The following RAF1 variants were observed in gnomAD, a reference collection of about 807,000 sequenced individuals.
The protein encoded by RAF1 is RAF proto-oncogene serine/threonine-protein kinase.
RAF1 carries 27 observed loss-of-function variants against 81.1 expected under a neutral mutation model. That is an observed-to-expected ratio of 0.33 (90% CI 0.25 to 0.46). The LOEUF (loss-of-function observed/expected upper bound fraction) is 0.46. Among genes scored for constraint, RAF1 ranks in the 20% least tolerant of loss-of-function variants. The probability of loss-of-function intolerance (pLI) is 1.00; values close to 1 mark genes in which losing one functional copy is unlikely to be tolerated. For missense variants in RAF1, 598 were observed against 826.0 expected (o/e 0.72, Z 3.38); for synonymous variants, 298 against 294.0 (o/e 1.01, Z -0.14).
At chr3:12,613,132 T>C (rs1484675864) in intron 2 of RAF1, among the ~76,000 whole-genome samples, 13 of 152,138 alleles carry the variant, frequency 8.5e-5, no homozygotes, top group Non-Finnish European at 1.0e-4. Context: ...CTCAAAAAGC[T>C]AGGCAGGTAC....
intron 1 of RAF1, among the ~76,000 whole-genome samples, chr3:12,655,363 G>C (rs926853584): frequency 6.6e-6 from 1 of 152,180 alleles, no homozygotes; most frequent in Non-Finnish European, 1.5e-5. Context: ...TGGGATTACA[G>C]GCATGAGCCA....
chr3:12,615,436 T>G (rs2125443401), intron 2 of RAF1, among the ~76,000 whole-genome samples: 1 of 152,328 alleles, frequency 6.6e-6, no homozygotes, highest in South Asian at 2.1e-4. Context: ...GTTAAATAAT[T>G]TCTAGAACCC....
chr3:12,592,731 C>CTT (rs35189562), intron 11 of RAF1, among the ~76,000 whole-genome samples: 19,768 of 107,160 alleles, frequency 0.18, 2,045 homozygotes, highest in Non-Finnish European at 0.21. Flanking sequence ...TTAAAAGCCA[C>CTT]TTTTTTTTTT....
chr3:12,620,533 T>C (rs1337932809), intron 1 of RAF1, among the ~76,000 whole-genome samples: 1 of 152,074 alleles, frequency 6.6e-6, no homozygotes, highest in Non-Finnish European at 1.5e-5. Context: ...TGCAGTGACA[T>C]GATCACAGCT....
chr3:12,660,476 TTG>T (rs2125591777), intron 1 of RAF1, among the ~76,000 whole-genome samples: 1 of 152,048 alleles, frequency 6.6e-6, no homozygotes, highest in Admixed American at 6.6e-5. Context: ...TTTTTTCTTT[TTG>T]TGTGTGTGTA....
rs562158445 is a variant in RAF1 at position 12,604,357 on chromosome 3, A to G, written c.681-68T>C. The G allele has an allele frequency of 1.0e-5, 16 of 1,525,350 alleles. No homozygotes were observed. In the Admixed American group the frequency reaches 1.7e-4, roughly 16 times the overall value. 94.5% of individuals were successfully genotyped at this position (1,525,350 alleles called of 1,614,324 possible). On this transcript the variant is annotated intron_variant, in intron 6 of 17. Coordinates refer to ENST00000442415, the MANE Select transcript of RAF1 (RefSeq NM_001354689.3). Reference sequence around the variant, plus strand: ...CATACTGGTGAAGTCTTTCAAGTACATATTTGACTAAGTAAGATGCTTAAG... The same window carrying G: ...CATACTGGTGAAGTCTTTCAAGTACGTATTTGACTAAGTAAGATGCTTAAG...
chr3:12,587,266 A>G (rs550149833), intron 14 of RAF1: 3 of 369,296 alleles, frequency 8.1e-6, no homozygotes, highest in Non-Finnish European at 1.5e-5. Context: ...CAAAAGCCCA[A>G]TCCCCGTCAG....
intron 1 of RAF1, among the ~76,000 whole-genome samples, chr3:12,638,453 G>A (rs2060091309): frequency 6.6e-6 from 1 of 152,216 alleles, no homozygotes; most frequent in Non-Finnish European, 1.5e-5. Flanking sequence ...CTGGCAGTCA[G>A]TCATCTAACA....
intron 11 of RAF1, among the ~76,000 whole-genome samples, chr3:12,593,725 T>C (rs150628891): frequency 1.1e-4 from 16 of 151,822 alleles, no homozygotes; most frequent in South Asian, 2.1e-4. Flanking sequence ...TCTGGTACAG[T>C]TGGAGCCAAG....
At chr3:12,612,170 A>G (rs2059232365) in intron 2 of RAF1, 108 bp from the exon 3 acceptor site, 1 of 827,490 alleles carries the variant, frequency 1.2e-6, no homozygotes, top group African/African-American at 1.7e-5. Flanking sequence ...TGGCCCACGC[A>G]CACACACATA....
At chr3:12,629,619 C>T (rs762956359) in intron 1 of RAF1, among the ~76,000 whole-genome samples, 11 of 152,124 alleles carry the variant, frequency 7.2e-5, no homozygotes, top group Admixed American at 1.3e-4. Context: ...TCACAAATCT[C>T]ACCAGGGTTT....
Position 12,612,000 on chromosome 3 carries a change from G to T in RAF1, c.270C>A (p.Gly90=). 6.2e-7 allele frequency: 1 copy of T among 1,614,066 alleles called. No individual in the cohort carries two copies. Among genetic ancestry groups the T allele is most frequent in the Non-Finnish European group, 8.5e-7 (1 of 1,180,000 alleles). The change falls in exon 3 of 18, where the codon GGC becomes GGA. Residue 90 remains glycine, a synonymous_variant. Transcript: ENST00000442415. ...ACACTGCACAGCACTCTGGTTGCAG[G>T]CCCCTCACCTTGAGTGCTTTCATAA... is the stretch of plus-strand genomic sequence containing the variant.
intron 1 of RAF1, among the ~76,000 whole-genome samples, chr3:12,634,427 G>A (rs757310171): frequency 6.6e-6 from 1 of 151,798 alleles, no homozygotes; most frequent in Middle Eastern, 3.2e-3. Context: ...CTGGGATTAC[G>A]GGCTTGAGCC....
chr3:12,584,199 AGCTGG>A lies in RAF1; in HGVS notation c.*310_*314del. 1 of 447,924 alleles carries A rather than the reference AGCTGG, an allele frequency of 2.2e-6. No homozygotes were observed. Among genetic ancestry groups the A allele is most frequent in the Non-Finnish European group, 4.2e-6 (1 of 240,358 alleles). 27.7% of individuals were successfully genotyped at this position (447,924 alleles called of 1,614,324 possible). A position where few individuals can be genotyped will look rare whatever the true frequency, so the allele number is the denominator to read the frequency against. On this transcript the variant is annotated 3_prime_UTR_variant, in exon 18 of 18. Transcript: ENST00000442415. Reference sequence around the variant, plus strand: ...TCCTCTAAATACTCATGTAGCCAACAGCTGGGGCTGGGCCCCTGCTTTTTGTACTA... The same window carrying A: ...TCCTCTAAATACTCATGTAGCCAACAGGCTGGGCCCCTGCTTTTTGTACTA...
At chr3:12,586,202 C>T (rs1482152278) in intron 14 of RAF1, among the ~76,000 whole-genome samples, 3 of 152,166 alleles carry the variant, frequency 2.0e-5, no homozygotes, top group African/African-American at 4.8e-5. Flanking sequence ...AGCTTACAGT[C>T]GTTTCTGCCT....
chr3:12,591,902 T>A (rs1318579622), intron 11 of RAF1, 110 bp from the exon 11 acceptor site: 3 of 846,784 alleles, frequency 3.5e-6, no homozygotes, highest in Non-Finnish European at 5.9e-6. Flanking sequence ...ATCACATACC[T>A]ACACAGATAC....
intron 11 of RAF1, among the ~76,000 whole-genome samples, chr3:12,595,638 A>G (rs568707704): frequency 1.3e-5 from 2 of 152,146 alleles, no homozygotes; most frequent in South Asian, 2.1e-4. Context: ...AGGCCAGGTG[A>G]GTGGTCCACT....
chr3:12,649,028 T>C (rs6778959), intron 1 of RAF1, among the ~76,000 whole-genome samples: 37,282 of 151,718 alleles, frequency 0.25, 5,429 homozygotes, highest in African/African-American at 0.41. Context: ...GCAGGAGAAT[T>C]GCTGGAACAC....
intron 8 of RAF1, among the ~76,000 whole-genome samples, chr3:12,602,483 C>T (rs1193634663): frequency 6.6e-6 from 1 of 152,156 alleles, no homozygotes; most frequent in Non-Finnish European, 1.5e-5. Flanking sequence ...TCCTGAGTAA[C>T]TAGGACTGCA....
Sources: gnomAD v4.1 joint callset for allele counts (sites outside exome capture counted in the v4.1 genomes callset) on GRCh38, gnomAD v4.1.1 for gene constraint, MANE v1.5 for transcripts, NCBI Gene and HGNC (gene_info 2026-07-23, HGNC 2026-07-21) for gene names.